The following BLK variants were observed in gnomAD, a reference collection of about 807,000 sequenced individuals.
BLK encodes the protein BLK proto-oncogene, Src family tyrosine kinase.
Under a neutral mutation model 61.8 loss-of-function variants are expected in BLK, and 64 were observed. The ratio of observed to expected loss-of-function variants is 1.03; its 90% confidence interval spans 0.85 to 1.27. The LOEUF is 1.27. Ranked by LOEUF, BLK falls within the 50% of genes most tolerant of loss-of-function variation. The probability of loss-of-function intolerance (pLI) is 0.00; values close to 1 mark genes in which losing one functional copy is unlikely to be tolerated. For missense variants in BLK, 853 were observed against 660.5 expected (o/e 1.29, Z -3.19); for synonymous variants, 351 against 272.0 (o/e 1.29, Z -2.86).
intron 1 of BLK, among the ~76,000 whole-genome samples, chr8:11,539,998 C>A (rs1027937685): frequency 1.3e-5 from 2 of 152,130 alleles, no homozygotes; most frequent in South Asian, 4.1e-4. Flanking sequence ...TGCTTATCTA[C>A]GAACTTCATG....
At chr8:11,495,650 A>C (rs1190356241) in intron 1 of BLK, among the ~76,000 whole-genome samples, 1 of 152,244 alleles carries the variant, frequency 6.6e-6, no homozygotes, top group African/African-American at 2.4e-5. Context: ...CATGAAAAAC[A>C]AAGAAAGACA....
At position 11,555,374 on chromosome 8, in the gene BLK, T is replaced by G; in HGVS notation, c.662T>G (p.Val221Gly). The G allele has an allele frequency of 6.2e-7, 1 of 1,614,130 alleles. No individual in the cohort carries two copies. Among genetic ancestry groups the G allele is most frequent in the Non-Finnish European group, 8.5e-7 (1 of 1,180,016 alleles). The change falls in exon 8 of 13, where the codon GTG becomes GGG. Residue 221 changes from valine to glycine, a missense_variant. Val to Gly is a moderately radical substitution (Grantham distance 109). Transcript: ENST00000259089. ...GLCQRLTLPC[V>G]RPAPQNPWAQ... ...TGCCAGAGGCTGACCCTGCCCTGTGTGCGCCCGGCCCCGCAGAATCCCTGG... is the reference window on the plus strand; with the variant it reads ...TGCCAGAGGCTGACCCTGCCCTGTGGGCGCCCGGCCCCGCAGAATCCCTGG...
rs755099916 is a variant in BLK at position 11,557,990 on chromosome 8, T to G, written c.981T>G (p.Asp327Glu). 3.1e-6 allele frequency: 5 copies of G among 1,614,046 alleles called. No individual in the cohort carries two copies. The stretch of plus-strand genomic sequence containing the variant: ...GCCTGCTGGATTTCCTGAAGACAGA[T>G]GAAGGGAGCAGATTGTCACTCCCAA... ...RGCLLDFLKT[D>E]EGSRLSLPRL... Residue 327 changes from aspartate to glutamate, a missense_variant, in exon 10 of 13, where the codon GAT (aspartate) becomes GAG (glutamate). Coordinates refer to ENST00000259089, the MANE Select transcript of BLK (RefSeq NM_001715.3).
At chr8:11,548,464 C>T (rs1800746903) in intron 4 of BLK, among the ~76,000 whole-genome samples, 1 of 152,172 alleles carries the variant, frequency 6.6e-6, no homozygotes, top group African/African-American at 2.4e-5. Flanking sequence ...GCATTTAAGC[C>T]AGTTGTGTCC....
intron 3 of BLK, among the ~76,000 whole-genome samples, chr8:11,546,364 G>C (rs1800641962): frequency 1.3e-5 from 2 of 152,198 alleles, no homozygotes; most frequent in African/African-American, 2.4e-5. Flanking sequence ...ACAAAAACAA[G>C]AGTCCCAGGG....
chr8:11,564,327 G>C lies in BLK; in HGVS notation c.*219G>C. 1 of 707,438 alleles carries C rather than the reference G, an allele frequency of 1.4e-6. No individual in the cohort carries two copies. The highest frequency in any genetic ancestry group is 2.6e-6 in the Non-Finnish European group (1 of 391,044). The allele number at this position is 707,438 out of a possible 1,614,324, so 43.8% of individuals were successfully genotyped here. A position where few individuals can be genotyped will look rare whatever the true frequency, so the allele number is the denominator to read the frequency against. On this transcript the variant is annotated 3_prime_UTR_variant, in exon 13 of 13. Coordinates refer to ENST00000259089, the MANE Select transcript of BLK (RefSeq NM_001715.3). ...GCGGCCTCTCTGTGCCGCTTCATTT[G>C]TAGAGGGCTGTAACAGTGACCTCGC...
At chr8:11,563,168 A>G in intron 12 of BLK, 58 bp downstream of exon 12, 1 of 1,610,624 alleles carries the variant, frequency 6.2e-7, no homozygotes, top group Non-Finnish European at 8.5e-7. Context: ...CCCTGATGGC[A>G]GGTCGCCTGT....
intron 10 of BLK, chr8:11,561,051 G>T (rs773239725): frequency 1.5e-6 from 1 of 662,662 alleles, no homozygotes; most frequent in South Asian, 1.5e-5. Flanking sequence ...CAGCTGTGTG[G>T]AGCGAGAACG....
intron 6 of BLK, chr8:11,553,486 CAAGTGAGGGG>C: frequency 2.6e-6 from 1 of 386,418 alleles, no homozygotes; most frequent in Non-Finnish European, 5.2e-6. Flanking sequence ...AGCAGCCAGG[CAAGTGAGGGG>C]TCTAAAGCAC....
At chr8:11,552,374 C>G (rs889529340) in intron 6 of BLK, 1 of 151,660 alleles carries the variant, frequency 6.6e-6, no homozygotes, top group Admixed American at 6.6e-5. Context: ...CATATACATA[C>G]ATATACATAC....
At chr8:11,511,079 G>A (rs1175027920) in intron 1 of BLK, among the ~76,000 whole-genome samples, 1 of 152,180 alleles carries the variant, frequency 6.6e-6, no homozygotes, top group Non-Finnish European at 1.5e-5. Context: ...ACCATAGGAG[G>A]TGAGCTGTGT....
At chr8:11,513,697 G>C (rs570803099) in intron 1 of BLK, among the ~76,000 whole-genome samples, 1 of 152,224 alleles carries the variant, frequency 6.6e-6, no homozygotes, top group Non-Finnish European at 1.5e-5. Flanking sequence ...GGCCTTTGAG[G>C]CATTGCATTC....
At chr8:11,533,925 C>G (rs1800005339) in intron 1 of BLK, among the ~76,000 whole-genome samples, 1 of 152,242 alleles carries the variant, frequency 6.6e-6, no homozygotes, top group Non-Finnish European at 1.5e-5. Context: ...TTATGGGAGA[C>G]TCAAAGGAGG....
chr8:11,558,159 C>T (rs776028214), intron 10 of BLK, 121 bp downstream of exon 10: 9 of 940,466 alleles, frequency 9.6e-6, no homozygotes, highest in Non-Finnish European at 1.5e-5. Flanking sequence ...GTACTGAAGG[C>T]CACCTTCCTC....
intron 1 of BLK, among the ~76,000 whole-genome samples, chr8:11,498,139 G>T (rs1337054763): frequency 6.6e-6 from 1 of 152,134 alleles, no homozygotes; most frequent in Non-Finnish European, 1.5e-5. Context: ...GCACACTTTG[G>T]CACCTAGGAT....
rs1801624152 is a variant in BLK, at chr8:11,564,220, C to G, written c.*112C>G. 1 of 1,317,690 alleles carries G rather than the reference C, an allele frequency of 7.6e-7. No homozygotes were observed. Among genetic ancestry groups the G allele is most frequent in the African/African-American group, 1.5e-5 (1 of 68,704 alleles). The allele number at this position is 1,317,690 out of a possible 1,614,324, so 81.6% of individuals were successfully genotyped here. A position where few individuals can be genotyped will look rare whatever the true frequency, so the allele number is the denominator to read the frequency against. On this transcript the variant is annotated 3_prime_UTR_variant, in exon 13 of 13. Coordinates refer to ENST00000259089, the MANE Select transcript of BLK (RefSeq NM_001715.3). The stretch of plus-strand genomic sequence containing the variant: ...GTGTCGCCTGTGCCCTTTTCTCAGA[C>G]CCGGAATCCAGTGGGCAGAGGCAGC...
intron 1 of BLK, among the ~76,000 whole-genome samples, chr8:11,522,108 G>A (rs1020927197): frequency 6.6e-5 from 10 of 151,888 alleles, no homozygotes; most frequent in Admixed American, 3.3e-4. Flanking sequence ...TAAAGTTTAC[G>A]TCTCCATACA....
chr8:11,504,962 A>C (rs1798711898), intron 1 of BLK, among the ~76,000 whole-genome samples: 2 of 152,222 alleles, frequency 1.3e-5, no homozygotes, highest in South Asian at 4.1e-4. Flanking sequence ...AGAGACACGT[A>C]CAGACACATA....
At chr8:11,523,874 C>T (rs1157532546) in intron 1 of BLK, among the ~76,000 whole-genome samples, 1 of 150,872 alleles carries the variant, frequency 6.6e-6, no homozygotes. Flanking sequence ...AAACCATTGT[C>T]CAGGGACTGG....
Sources: allele counts gnomAD v4.1 joint callset (sites outside exome capture counted in the v4.1 genomes callset), GRCh38; gene constraint gnomAD v4.1.1; transcripts MANE v1.5; gene names NCBI Gene and HGNC (gene_info 2026-07-23, HGNC 2026-07-21).